NRG2: variants seen among roughly 807,000 people sequenced by gnomAD.
The protein encoded by NRG2 is pro-neuregulin-2, membrane-bound isoform.
Under a neutral mutation model 73.9 loss-of-function variants are expected in NRG2, and 27 were observed. The observed-to-expected ratio is 0.37, with a 90% CI of 0.27 to 0.50. The LOEUF is 0.50. NRG2 is among the 20% of genes least tolerant of loss of function. The pLI is 0.96. For synonymous variants in NRG2, 532 were observed against 541.0 expected, an observed-to-expected ratio of 0.98 and a Z score of 0.23; for missense variants, 1,126 against 1,210.1, an observed-to-expected ratio of 0.93 and a Z score of 1.03.
intron 1 of NRG2, among the ~76,000 whole-genome samples, chr5:139,993,355 G>A (rs952978666): frequency 5.9e-5 from 9 of 152,058 alleles, no homozygotes; most frequent in Admixed American, 3.3e-4. Flanking sequence ...TCCTCACTGC[G>A]TTTTAGCCAC....
chr5:139,976,143 T>C (rs1292194665), intron 1 of NRG2, among the ~76,000 whole-genome samples: 1 of 152,204 alleles, frequency 6.6e-6, no homozygotes, highest in Non-Finnish European at 1.5e-5. Flanking sequence ...TCTATGTGAC[T>C]CTCAAGTCCA....
chr5:139,871,038 C>G (rs1435768046), intron 4 of NRG2: 1 of 152,406 alleles, frequency 6.6e-6, no homozygotes, highest in African/African-American at 2.4e-5. Context: ...CCCCATTGGG[C>G]CATACCTAGA....
chr5:139,974,014 C>T (rs768189041), intron 1 of NRG2, among the ~76,000 whole-genome samples: 3 of 152,002 alleles, frequency 2.0e-5, no homozygotes, highest in East Asian at 1.9e-4. Flanking sequence ...TTACCCATAT[C>T]GTCTAACTGT....
rs576570558 is a variant in NRG2 at position 139,927,674 on chromosome 5, G to A, written c.701-40163C>T. 1.2e-4 allele frequency among the ~76,000 whole-genome samples: 18 copies of A among 149,510 alleles called. No homozygotes were observed. The South Asian group carries it at 3.8e-3, about 32-fold the overall frequency. On this transcript the variant is annotated intron_variant, in intron 1 of 9. Coordinates refer to ENST00000361474, the MANE Select transcript of NRG2 (RefSeq NM_004883.3). Reference sequence around the variant, plus strand: ...AGCTACTCAGGAGGCTGAGGCAGGAGAATCACTTGAACCCGGAAGGCGGAG... The same window carrying A: ...AGCTACTCAGGAGGCTGAGGCAGGAAAATCACTTGAACCCGGAAGGCGGAG...
At chr5:139,940,273 A>T (rs568918968) in intron 1 of NRG2, among the ~76,000 whole-genome samples, 6 of 152,350 alleles carry the variant, frequency 3.9e-5, no homozygotes, top group African/African-American at 1.4e-4. Context: ...AAGAGGAGGG[A>T]ATTACTGATA....
At chr5:139,878,989 C>T (rs1407519869) in intron 3 of NRG2, among the ~76,000 whole-genome samples, 3 of 152,168 alleles carry the variant, frequency 2.0e-5, no homozygotes, top group Admixed American at 2.0e-4. Flanking sequence ...AGACATAGCC[C>T]CACAGAGCTC....
chr5:139,895,328 T>A (rs575121996), intron 1 of NRG2, among the ~76,000 whole-genome samples: 13 of 152,222 alleles, frequency 8.5e-5, no homozygotes, highest in Non-Finnish European at 1.8e-4. Context: ...AGGGCTGGGA[T>A]ACAGGCACAC....
At chr5:139,942,780 A>T (rs1268067989) in intron 1 of NRG2, among the ~76,000 whole-genome samples, 1 of 152,216 alleles carries the variant, frequency 6.6e-6, no homozygotes, top group African/African-American at 2.4e-5. Flanking sequence ...TTTGTAAACA[A>T]CTTTCCTTGC....
At chr5:139,878,922 C>A (rs1763355565) in intron 3 of NRG2, among the ~76,000 whole-genome samples, 1 of 152,198 alleles carries the variant, frequency 6.6e-6, no homozygotes, top group Non-Finnish European at 1.5e-5. Flanking sequence ...ATTTACCAGG[C>A]ACCCACTGTG....
chr5:139,976,306 G>A (rs1046914826), intron 1 of NRG2, among the ~76,000 whole-genome samples: 1 of 152,140 alleles, frequency 6.6e-6, no homozygotes, highest in Admixed American at 6.5e-5. Context: ...TTGTGTTGCA[G>A]AAAAAAATAT....
chr5:140,022,876 G>C (rs1328185370), intron 1 of NRG2, among the ~76,000 whole-genome samples: 1 of 151,904 alleles, frequency 6.6e-6, no homozygotes, highest in Non-Finnish European at 1.5e-5. Flanking sequence ...CTCCATTTTT[G>C]TTAATGGTGC....
At chr5:139,982,697 C>T (rs1425523116) in intron 1 of NRG2, among the ~76,000 whole-genome samples, 6 of 152,172 alleles carry the variant, frequency 3.9e-5, no homozygotes, top group Admixed American at 3.9e-4. Context: ...TCAGAAAATG[C>T]CAGGAATTAT....
At chr5:139,947,102 C>T (rs929727864) in intron 1 of NRG2, among the ~76,000 whole-genome samples, 2 of 151,968 alleles carry the variant, frequency 1.3e-5, no homozygotes, top group African/African-American at 4.8e-5. Flanking sequence ...GGTATGTTCG[C>T]ATACCATACA....
At chr5:139,885,727 G>C (rs944079129) in intron 2 of NRG2, among the ~76,000 whole-genome samples, 3 of 151,936 alleles carry the variant, frequency 2.0e-5, no homozygotes, top group Admixed American at 2.0e-4. Flanking sequence ...TGTGGTGGGG[G>C]GGAATGTGCG....
chr5:139,932,680 TAGTA>T (rs1211145706), intron 1 of NRG2, among the ~76,000 whole-genome samples: 1 of 152,152 alleles, frequency 6.6e-6, no homozygotes, highest in Non-Finnish European at 1.5e-5. Context: ...TACTTTATTA[TAGTA>T]AGTATTTTAC....
At chr5:139,866,330 G>A (rs1199299967) in intron 4 of NRG2, among the ~76,000 whole-genome samples, 1 of 152,196 alleles carries the variant, frequency 6.6e-6, no homozygotes, top group Non-Finnish European at 1.5e-5. Flanking sequence ...TTCCATGTAA[G>A]TTCTCAAATT....
At chr5:139,863,550 C>G (rs1762284644) in intron 5 of NRG2, among the ~76,000 whole-genome samples, 2 of 152,196 alleles carry the variant, frequency 1.3e-5, no homozygotes, top group African/African-American at 4.8e-5. Context: ...CTCTGCTGCT[C>G]TGATTCAGGA....
Position 139,848,278 on chromosome 5 carries a change from CCGCGCGCGCGCGGCCGCGGCGG to C in NRG2, c.2170_2191del (p.Pro724ValfsTer35). On this transcript the variant is annotated frameshift_variant, in exon 10 of 10. Transcript: ENST00000361474. LOFTEE classifies it high-confidence loss of function. Reference sequence around the variant, plus strand: ...CCCCGCCGACGTCCTGCGGGACGCACCGCGCGCGCGCGGCCGCGGCGGCGGCGGGGGCGCGCACTCCTGCGTG... The same window carrying C: ...CCCCGCCGACGTCCTGCGGGACGCACCGGCGGGGGCGCGCACTCCTGCGTG... 1 of 1,113,504 alleles carries C rather than the reference CCGCGCGCGCGCGGCCGCGGCGG, an allele frequency of 9.0e-7. No homozygotes were observed. Among genetic ancestry groups the C allele is most frequent in the Non-Finnish European group, 1.1e-6 (1 of 914,192 alleles). 69.0% of individuals were successfully genotyped at this position (1,113,504 alleles called of 1,614,324 possible). A position where few individuals can be genotyped will look rare whatever the true frequency, so the allele number is the denominator to read the frequency against.
intron 1 of NRG2, among the ~76,000 whole-genome samples, chr5:139,922,573 A>G (rs1178167050): frequency 6.6e-6 from 1 of 152,214 alleles, no homozygotes; most frequent in Non-Finnish European, 1.5e-5. Context: ...TACTCTTACC[A>G]TATGATCCAG....
Sources: allele counts gnomAD v4.1 joint callset (sites outside exome capture counted in the v4.1 genomes callset), GRCh38; gene constraint gnomAD v4.1.1; transcripts MANE v1.5; gene names NCBI Gene and HGNC (gene_info 2026-07-23, HGNC 2026-07-21).